The following CDH13 variants were observed in gnomAD, a reference collection of about 807,000 sequenced individuals.
CDH13 encodes the protein cadherin-13.
CDH13 carries 24 observed loss-of-function variants against 63.8 expected under a neutral mutation model. The ratio of observed to expected loss-of-function variants is 0.38; its 90% confidence interval spans 0.27 to 0.53. CDH13 has a LOEUF of 0.53. Ranked by LOEUF, CDH13 falls within the 20% of genes least tolerant of loss-of-function variation. CDH13 has a pLI of 0.85. For missense variants in CDH13, 1,049 were observed against 903.1 expected, an observed-to-expected ratio of 1.16 and a Z score of -2.07; for synonymous variants, 503 against 355.3, an observed-to-expected ratio of 1.42 and a Z score of -4.67.
At chr16:82,980,283 C>T (rs1219517353) in intron 2 of CDH13, among the ~76,000 whole-genome samples, 1 of 152,132 alleles carries the variant, frequency 6.6e-6, no homozygotes, top group Non-Finnish European at 1.5e-5. Context: ...CCTGCCTTCC[C>T]TCTGTAATGA....
chr16:83,492,177 A>T lies in CDH13; in HGVS notation c.960+5522A>T, dbSNP rs114158307. ...TAAAGACATCTGTGAAAATGATGAT[A>T]TCAAATCAAGCTGCCAGAAAAGAAC... On this transcript the variant is annotated intron_variant, in intron 7 of 13. Coordinates refer to ENST00000567109, the MANE Select transcript of CDH13 (RefSeq NM_001257.5). Among the ~76,000 whole-genome samples the T allele has an allele frequency of 5.0e-3, 740 of 148,202 alleles. 12 individuals carry two copies. The highest frequency in any genetic ancestry group is 0.017 in the African/African-American group (700 of 40,662).
chr16:82,942,317 C>G (rs1463650906), intron 2 of CDH13, among the ~76,000 whole-genome samples: 2 of 152,136 alleles, frequency 1.3e-5, no homozygotes, highest in Non-Finnish European at 2.9e-5. Context: ...AATCAAATAA[C>G]CAATATGTGT....
intron 4 of CDH13, among the ~76,000 whole-genome samples, chr16:83,202,212 C>T (rs1049156350): frequency 7.2e-5 from 11 of 152,124 alleles, no homozygotes; most frequent in African/African-American, 2.2e-4. Flanking sequence ...TTGGATAGGA[C>T]GCTCTGGGTC....
At chr16:83,568,192 A>G (rs1332478634) in intron 7 of CDH13, among the ~76,000 whole-genome samples, 1 of 129,994 alleles carries the variant, frequency 7.7e-6, no homozygotes, top group East Asian at 1.9e-4. Flanking sequence ...AAACAAAAGG[A>G]AAAAAAAAAG....
At chr16:83,290,793 CT>C (rs1335650456) in intron 5 of CDH13, among the ~76,000 whole-genome samples, 1 of 152,120 alleles carries the variant, frequency 6.6e-6, no homozygotes, top group Non-Finnish European at 1.5e-5. Context: ...TGCACGTGCA[CT>C]TTTTTTCTTT....
chr16:82,834,262 A>AT (rs1199280426), intron 1 of CDH13, among the ~76,000 whole-genome samples: 1 of 152,212 alleles, frequency 6.6e-6, no homozygotes, highest in Non-Finnish European at 1.5e-5. Flanking sequence ...AGGGGCCTGC[A>AT]TTAGATGGCT....
chr16:83,114,823 C>T (rs980524572), intron 3 of CDH13, among the ~76,000 whole-genome samples: 1 of 152,200 alleles, frequency 6.6e-6, no homozygotes, highest in African/African-American at 2.4e-5. Context: ...TCAAAGCTGG[C>T]TGAACCATGT....
chr16:83,035,905 C>A (rs1373529156), intron 3 of CDH13, among the ~76,000 whole-genome samples: 2 of 152,150 alleles, frequency 1.3e-5, no homozygotes, highest in African/African-American at 4.8e-5. Flanking sequence ...CAATGACCAA[C>A]ACTGATGCTT....
intron 6 of CDH13, among the ~76,000 whole-genome samples, chr16:83,407,484 A>T (rs2092065119): frequency 6.6e-6 from 1 of 152,198 alleles, no homozygotes; most frequent in East Asian, 1.9e-4. Flanking sequence ...GCTTTTTTTC[A>T]GCTAGACTAC....
chr16:83,425,929 T>C (rs1168113438), intron 6 of CDH13, among the ~76,000 whole-genome samples: 1 of 152,166 alleles, frequency 6.6e-6, no homozygotes, highest in Admixed American at 6.5e-5. Flanking sequence ...CAATTAAGCT[T>C]GCATTCTACT....
chr16:83,133,355 C>A (rs971172407), intron 4 of CDH13, among the ~76,000 whole-genome samples: 2 of 152,094 alleles, frequency 1.3e-5, no homozygotes, highest in African/African-American at 4.8e-5. Flanking sequence ...GTATTGATTT[C>A]ATTTGGAAAC....
chr16:83,166,597 C>G (rs2037682545), intron 4 of CDH13, among the ~76,000 whole-genome samples: 1 of 152,104 alleles, frequency 6.6e-6, no homozygotes, highest in Non-Finnish European at 1.5e-5. Context: ...GTGGTTGGGA[C>G]AGCAGTTCAG....
intron 2 of CDH13, among the ~76,000 whole-genome samples, chr16:82,980,753 G>A (rs565475501): frequency 4.7e-4 from 72 of 152,140 alleles, no homozygotes; most frequent in Non-Finnish European, 9.3e-4. Flanking sequence ...GGTTGCCTTT[G>A]TCCCCAAGAA....
chr16:83,063,812 G>T (rs75954579), intron 3 of CDH13, among the ~76,000 whole-genome samples: 2,461 of 152,238 alleles, frequency 0.016, 62 homozygotes, highest in African/African-American at 0.056. Context: ...AGGAGCATTT[G>T]TTCCTTGTCT....
At chr16:83,379,936 T>TAGAGAGAG (rs71272415) in intron 6 of CDH13, among the ~76,000 whole-genome samples, 206 of 91,802 alleles carry the variant, frequency 2.2e-3, no homozygotes, top group Middle Eastern at 5.7e-3. Flanking sequence ...TATATATATA[T>TAGAGAGAG]ATAGAGAGAG....
intron 4 of CDH13, among the ~76,000 whole-genome samples, chr16:83,194,677 T>A (rs556017989): frequency 1.2e-3 from 176 of 152,322 alleles, no homozygotes; most frequent in African/African-American, 4.0e-3. Context: ...TGAAAAGAGA[T>A]TTTAAAAAAC....
chr16:83,203,067 A>G (rs1344350603), intron 4 of CDH13, among the ~76,000 whole-genome samples: 1 of 152,076 alleles, frequency 6.6e-6, no homozygotes, highest in Admixed American at 6.5e-5. Flanking sequence ...TCTACTGAAA[A>G]TACAAAATTA....
At chr16:82,823,554 C>G (rs1875300357) in intron 1 of CDH13, 1 of 152,078 alleles carries the variant, frequency 6.6e-6, no homozygotes, top group African/African-American at 2.4e-5. Context: ...AGGAACTACC[C>G]CTAGTTATTT....
intron 2 of CDH13, among the ~76,000 whole-genome samples, chr16:83,010,135 CAAAAAAAA>C (rs67985333): frequency 0.43 from 21,685 of 50,282 alleles, 2,603 homozygotes; most frequent in Middle Eastern, 0.5. Flanking sequence ...AACTCTGTCT[CAAAAAAAA>C]AAAAAAAAAA....
Sources: gnomAD v4.1 joint callset for allele counts (sites outside exome capture counted in the v4.1 genomes callset) on GRCh38, gnomAD v4.1.1 for gene constraint, MANE v1.5 for transcripts, NCBI Gene and HGNC (gene_info 2026-07-23, HGNC 2026-07-21) for gene names.